HSPA12A: variants seen among roughly 807,000 people sequenced by gnomAD.
HSPA12A encodes heat shock 70 kDa protein 12A.
Under a neutral mutation model 69.2 loss-of-function variants are expected in HSPA12A, and 28 were observed. That is an observed-to-expected ratio of 0.40 (90% CI 0.30 to 0.55). The LOEUF (loss-of-function observed/expected upper bound fraction) is 0.55. HSPA12A is among the 20% of genes least tolerant of loss of function. HSPA12A has a pLI of 0.38. For synonymous variants in HSPA12A, 345 were observed against 370.5 expected (o/e 0.93, Z 0.79); for missense variants, 686 against 900.7 (o/e 0.76, Z 3.05).
At chr10:116,737,964 C>T (rs1419907868) in intron 1 of HSPA12A, among the ~76,000 whole-genome samples, 3 of 152,220 alleles carry the variant, frequency 2.0e-5, no homozygotes, top group Non-Finnish European at 2.9e-5. Context: ...GATGCCCAGG[C>T]CTGGGGGTGC....
At chr10:116,722,560 T>A (rs539676332) in intron 1 of HSPA12A, among the ~76,000 whole-genome samples, 1 of 152,194 alleles carries the variant, frequency 6.6e-6, no homozygotes, top group East Asian at 1.9e-4. Flanking sequence ...CAGAAGTTCA[T>A]CAGTGGGACC....
Position 116,842,984 on chromosome 10 carries a change from T to C in HSPA12A, c.3+6582A>G, listed in dbSNP as rs182952215. Among the ~76,000 whole-genome samples the C allele has an allele frequency of 2.6e-5, 4 of 152,340 alleles. No homozygotes were observed. In the East Asian group the frequency reaches 7.7e-4, roughly 29 times the overall value. On this transcript the variant is annotated intron_variant, in intron 1 of 12. Coordinates refer to the HSPA12A transcript ENST00000635765. ...CCTACTTCCAGTTTCATTCTGCCCA[T>C]ATAGAAATTGTGTGTCTAGTCCCTG...
At chr10:116,735,826 G>T (rs1851299134) in intron 1 of HSPA12A, among the ~76,000 whole-genome samples, 1 of 143,664 alleles carries the variant, frequency 7.0e-6, no homozygotes, top group South Asian at 2.2e-4. Context: ...GTGAGACCTT[G>T]TCCCTATTTA....
chr10:116,710,394 C>T lies in HSPA12A; in HGVS notation c.41-3109G>A, dbSNP rs188095056. Among the ~76,000 whole-genome samples the T allele has an allele frequency of 2.8e-3, 428 of 152,308 alleles. 3 individuals carry two copies. The highest frequency in any genetic ancestry group is 4.5e-3 in the Non-Finnish European group (305 of 68,028). On this transcript the variant is annotated intron_variant, in intron 1 of 11. Coordinates refer to ENST00000369209, the MANE Select transcript of HSPA12A (RefSeq NM_025015.3). The surrounding 1 kb of genome is among the most constrained non-coding windows in gnomAD (Gnocchi z 4.1). ...CTGCTTGGTCCTAATTATCCCATCACTCAGCCCTTCTCAGAGCCCTGGGTC... is the reference window on the plus strand; with the variant it reads ...CTGCTTGGTCCTAATTATCCCATCATTCAGCCCTTCTCAGAGCCCTGGGTC...
intron 2 of HSPA12A, among the ~76,000 whole-genome samples, chr10:116,823,740 T>C (rs1845448607): frequency 1.3e-5 from 2 of 152,090 alleles, no homozygotes; most frequent in Non-Finnish European, 2.9e-5. Context: ...TATACAAAAA[T>C]GAATTCTAAA....
chr10:116,837,828 T>A (rs1845742776), intron 1 of HSPA12A, among the ~76,000 whole-genome samples: 1 of 150,742 alleles, frequency 6.6e-6, no homozygotes, highest in South Asian at 2.1e-4. Context: ...AAAAAAAAAA[T>A]TCTTTAAATC....
In HSPA12A at chr10:116,785,301, A is replaced by G. The variant is rs549860780; in HGVS notation, c.91+49634T>C. Among the ~76,000 whole-genome samples the G allele has an allele frequency of 1.3e-4, 20 of 151,758 alleles. No individual in the cohort carries two copies. The South Asian group carries it at 4.2e-3, about 32-fold the overall frequency. ...GGCAAGGACTGATGTCTTGTTCGGG[A>G]ACGTTCTGGCCACCACAGCCTAGTG... On this transcript the variant is annotated intron_variant, in intron 2 of 12. Transcript: ENST00000635765.
At chr10:116,699,902 G>A (rs141562351) in intron 4 of HSPA12A, among the ~76,000 whole-genome samples, 1 of 152,228 alleles carries the variant, frequency 6.6e-6, no homozygotes, top group African/African-American at 2.4e-5. Flanking sequence ...TGAAAGGCAG[G>A]GTGCTGGCTG....
At chr10:116,791,703 A>C (rs952397800) in intron 2 of HSPA12A, among the ~76,000 whole-genome samples, 1 of 152,066 alleles carries the variant, frequency 6.6e-6, no homozygotes, top group South Asian at 2.1e-4. Flanking sequence ...CATTTTCCCT[A>C]AGATGCAACT....
intron 2 of HSPA12A, among the ~76,000 whole-genome samples, chr10:116,756,820 G>A (rs1317046750): frequency 6.6e-6 from 1 of 152,148 alleles, no homozygotes; most frequent in Non-Finnish European, 1.5e-5. Context: ...GTCTTCAGTG[G>A]GAGATGGAAA....
At chr10:116,771,361 C>A (rs539905112) in intron 2 of HSPA12A, among the ~76,000 whole-genome samples, 142 of 152,312 alleles carry the variant, frequency 9.3e-4, no homozygotes, top group Non-Finnish European at 5.3e-4. Flanking sequence ...TGACGAGATA[C>A]TGGGGCCAGA....
At position 116,839,623 on chromosome 10, in the gene HSPA12A, A is replaced by C. The variant is rs1054048416; in HGVS notation, c.4-4601T>G. ...CTACCGTAAAAAAAAAAAAAAAAAA[A>C]AAAAAAACCTAAAATCTCACCTACA... is the stretch of plus-strand genomic sequence containing the variant. On this transcript the variant is annotated intron_variant, in intron 1 of 12. Transcript: ENST00000635765. 4.6e-5 allele frequency among the ~76,000 whole-genome samples: 7 copies of C among 151,698 alleles called. No homozygotes were observed. The South Asian group carries it at 1.5e-3, about 32-fold the overall frequency.
upstream of HSPA12A, among the ~76,000 whole-genome samples, chr10:116,744,610 C>T (rs1851606868): frequency 6.6e-6 from 1 of 152,232 alleles, no homozygotes; most frequent in Non-Finnish European, 1.5e-5. Context: ...TGCAGGGGAG[C>T]ATGAAAGGCA....
At chr10:116,835,321 A>C (rs1028330467) in intron 1 of HSPA12A, 1 of 163,748 alleles carries the variant, frequency 6.1e-6, no homozygotes, top group African/African-American at 2.4e-5. Flanking sequence ...AATTACAAAA[A>C]CCAGGAAGCG....
At chr10:116,830,797 T>G (rs1187579348) in intron 2 of HSPA12A, 1 of 135,516 alleles carries the variant, frequency 7.4e-6, no homozygotes, top group African/African-American at 3.8e-5. Flanking sequence ...TATATGTACA[T>G]ATATACAATA....
At chr10:116,736,526 T>C (rs1317811599) in intron 1 of HSPA12A, among the ~76,000 whole-genome samples, 7 of 152,028 alleles carry the variant, frequency 4.6e-5, no homozygotes, top group African/African-American at 1.4e-4. Context: ...GATCTTGAGA[T>C]GGGGAAATGA....
intron 1 of HSPA12A, among the ~76,000 whole-genome samples, chr10:116,713,178 T>A (rs371649317): frequency 6.6e-6 from 1 of 151,322 alleles, no homozygotes; most frequent in African/African-American, 2.4e-5. Context: ...TGTAGGTTAC[T>A]GGCAAACATC....
chr10:116,821,799 A>G (rs1845412706), intron 2 of HSPA12A, among the ~76,000 whole-genome samples: 1 of 152,102 alleles, frequency 6.6e-6, no homozygotes, highest in Non-Finnish European at 1.5e-5. Flanking sequence ...AGTGGGCTGG[A>G]CTCACCTGTC....
intron 5 of HSPA12A, 70 bp downstream of exon 5, chr10:116,698,565 C>A: frequency 8.0e-7 from 1 of 1,252,804 alleles, no homozygotes; most frequent in Non-Finnish European, 1.2e-6. Context: ...GTGCAGCAGC[C>A]CGAGACACGG....
Sources: gnomAD v4.1 joint callset for allele counts (sites outside exome capture counted in the v4.1 genomes callset) on GRCh38, gnomAD v4.1.1 for gene constraint, Gnocchi (gnomAD v3.1) non-coding constraint, MANE v1.5 for transcripts, NCBI Gene and HGNC (gene_info 2026-07-23, HGNC 2026-07-21) for gene names.